TDRD12: variants seen among roughly 807,000 people sequenced by gnomAD.
TDRD12 encodes the protein putative ATP-dependent RNA helicase TDRD12.
In TDRD12, 158 loss-of-function variants were observed where a neutral mutation model predicts 133.5. The ratio of observed to expected loss-of-function variants is 1.18; its 90% CI spans 1.04 to 1.35. The LOEUF (loss-of-function observed/expected upper bound fraction) is 1.35. Ranked by LOEUF, TDRD12 falls within the 40% of genes most tolerant of loss-of-function variation. TDRD12 has a pLI of 0.00. For missense variants in TDRD12, 1,443 were observed against 1,321.3 expected (o/e 1.09, Z -1.43); for synonymous variants, 460 against 477.9 (o/e 0.96, Z 0.49).
intron 9 of TDRD12, 88 bp downstream of exon 32, chr19:32,826,837 G>T: frequency 1.2e-6 from 1 of 816,616 alleles, no homozygotes; most frequent in Non-Finnish European, 1.6e-6. Flanking sequence ...TTCAGCCTTG[G>T]TGGAAGTGGA....
chr19:32,763,522 T>C (rs1235560878), intron 8 of TDRD12, among the ~76,000 whole-genome samples: 1 of 152,198 alleles, frequency 6.6e-6, no homozygotes, highest in Non-Finnish European at 1.5e-5. Context: ...TAAACTCCAG[T>C]AGTTTAGGCT....
intron 2 of TDRD12, among the ~76,000 whole-genome samples, chr19:32,735,273 T>TG (rs1442248248): frequency 7.3e-6 from 1 of 136,670 alleles, no homozygotes; most frequent in African/African-American, 2.6e-5. Flanking sequence ...AACACACAAA[T>TG]GAAAAAAAAA....
At chr19:32,822,900 A>G (rs537321778), downstream of TDRD12, among the ~76,000 whole-genome samples, 239 of 152,334 alleles carry the variant, frequency 1.6e-3, 1 homozygote, top group African/African-American at 5.4e-3. Flanking sequence ...TCTTTATGAA[A>G]TGGAGTTAGA....
intron 22 of TDRD12, 71 bp from the exon 23 acceptor site, chr19:32,810,022 T>TA: frequency 1.0e-6 from 1 of 968,044 alleles, no homozygotes. Context: ...TTTCTGCAGA[T>TA]ACAGGGAATG....
chr19:32,792,222 G>A (rs112998405), intron 13 of TDRD12, among the ~76,000 whole-genome samples: 7,957 of 151,816 alleles, frequency 0.052, 387 homozygotes, highest in African/African-American at 0.12. Flanking sequence ...CTCCAGCCTG[G>A]GCAATAGAGC....
At chr19:32,770,781 A>G (rs1426163315) in intron 8 of TDRD12, among the ~76,000 whole-genome samples, 1 of 152,208 alleles carries the variant, frequency 6.6e-6, no homozygotes, top group Non-Finnish European at 1.5e-5. Context: ...AATAACGCAC[A>G]TGGTACCTAT....
At chr19:32,762,901 A>G (rs949137385) in intron 8 of TDRD12, among the ~76,000 whole-genome samples, 2 of 152,204 alleles carry the variant, frequency 1.3e-5, no homozygotes, top group African/African-American at 4.8e-5. Context: ...TATAGGCAAT[A>G]TGGTATAGCC....
intron 8 of TDRD12, among the ~76,000 whole-genome samples, chr19:32,772,434 A>G (rs1292694220): frequency 1.3e-5 from 2 of 152,236 alleles, no homozygotes; most frequent in African/African-American, 4.8e-5. Flanking sequence ...CATTGTAAGA[A>G]GAGCCTGTGT....
At chr19:32,792,597 G>A (rs1309911017) in intron 13 of TDRD12, among the ~76,000 whole-genome samples, 2 of 152,248 alleles carry the variant, frequency 1.3e-5, no homozygotes, top group East Asian at 1.9e-4. Context: ...TCAGTTTGAG[G>A]TCCGGTTTCT....
At chr19:32,824,880 C>G (rs1967534289), downstream of TDRD12, among the ~76,000 whole-genome samples, 1 of 152,202 alleles carries the variant, frequency 6.6e-6, no homozygotes, top group East Asian at 1.9e-4. Context: ...GATAAATCAA[C>G]CTCGAGTCGG....
chr19:32,756,918 A>G (rs1365732793), intron 7 of TDRD12, 120 bp from the exon 8 acceptor site: 3 of 753,992 alleles, frequency 4.0e-6, no homozygotes, highest in Non-Finnish European at 6.8e-6. Context: ...TGTGTCCCCT[A>G]GTCAGGTTTC....
At chr19:32,775,976 C>T (rs1485225581) in intron 10 of TDRD12, among the ~76,000 whole-genome samples, 1 of 152,170 alleles carries the variant, frequency 6.6e-6, no homozygotes, top group South Asian at 2.1e-4. Context: ...CCATGAGGTC[C>T]GGCCCTCATG....
intron 19 of TDRD12, 44 bp downstream of exon 19, chr19:32,801,917 A>G: frequency 2.9e-6 from 2 of 681,308 alleles, no homozygotes; most frequent in Non-Finnish European, 2.3e-6. Flanking sequence ...AGGTTGAGCT[A>G]CTAGGAATTC....
chr19:32,732,860 T>C (rs35654350), intron 2 of TDRD12, among the ~76,000 whole-genome samples: 26,900 of 152,168 alleles, frequency 0.18, 2,502 homozygotes, highest in African/African-American at 0.21. Context: ...TTAAACCAGG[T>C]CAATTGTTTT....
intron 11 of TDRD12, among the ~76,000 whole-genome samples, chr19:32,788,554 T>G (rs943636686): frequency 1.3e-5 from 2 of 152,238 alleles, no homozygotes; most frequent in Non-Finnish European, 2.9e-5. Context: ...TGTCCTGTCC[T>G]CGTTTCACAT....
chr19:32,720,985 C>A (rs546841193), intron 1 of TDRD12, among the ~76,000 whole-genome samples: 63 of 151,988 alleles, frequency 4.1e-4, no homozygotes, highest in African/African-American at 1.5e-3. Flanking sequence ...GCGACACTGG[C>A]GTCCCCAGGG....
chr19:32,749,225 T>C (rs1277069637), intron 5 of TDRD12, among the ~76,000 whole-genome samples: 3 of 151,960 alleles, frequency 2.0e-5, no homozygotes, highest in South Asian at 2.1e-4. Context: ...CTGTGAGCCA[T>C]GGGGGCTGCT....
chr19:32,720,670 A>AC (rs1457428210), intron 1 of TDRD12, among the ~76,000 whole-genome samples: 3 of 472 alleles, frequency 6.4e-3, no homozygotes, highest in African/African-American at 0.024. Flanking sequence ...CCTTATTCCC[A>AC]CCGCCCCCAC....
exon 13 of TDRD12, chr19:32,791,029 A>T: frequency 1.3e-6 from 2 of 1,536,310 alleles, no homozygotes; most frequent in African/African-American, 2.7e-5. Flanking sequence ...AGCCCTGCTT[A>T]ACCATTGACT....
Sources: allele counts gnomAD v4.1 joint callset (sites outside exome capture counted in the v4.1 genomes callset), GRCh38; gene constraint gnomAD v4.1.1; transcripts MANE v1.5; gene names NCBI Gene and HGNC (gene_info 2026-07-23, HGNC 2026-07-21).